PLCXD3: variants seen among roughly 807,000 people sequenced by gnomAD.
PLCXD3 encodes the protein phosphatidylinositol specific phospholipase C X domain containing 3, also known as PI-PLC X domain-containing protein 3.
In PLCXD3, 19 loss-of-function variants were observed where a neutral mutation model predicts 25.5. The ratio of observed to expected loss-of-function variants is 0.75; its 90% confidence interval spans 0.52 to 1.09. The LOEUF is 1.09. PLCXD3 is among the 50% of genes least tolerant of loss of function. The pLI is 0.00. For synonymous variants in PLCXD3, 174 were observed against 137.6 expected, an observed-to-expected ratio of 1.26 and a Z score of -1.85; for missense variants, 411 against 388.1, an observed-to-expected ratio of 1.06 and a Z score of -0.50.
intron 1 of PLCXD3, among the ~76,000 whole-genome samples, chr5:41,390,436 T>C (rs554410149): frequency 6.6e-6 from 1 of 152,270 alleles, no homozygotes; most frequent in South Asian, 2.1e-4. Flanking sequence ...TTGACAAATT[T>C]CTCAAAAAGA....
At chr5:41,407,939 T>G (rs672659) in intron 1 of PLCXD3, among the ~76,000 whole-genome samples, 16,826 of 152,162 alleles carry the variant, frequency 0.11, 1,078 homozygotes, top group Admixed American at 0.17. Flanking sequence ...TTTGATCCAA[T>G]ATTCAAGATG....
At chr5:41,480,559 A>G (rs1748383689) in intron 1 of PLCXD3, among the ~76,000 whole-genome samples, 1 of 151,982 alleles carries the variant, frequency 6.6e-6, no homozygotes, top group African/African-American at 2.4e-5. Context: ...GTGGAAATTC[A>G]GTACTGTTTA....
intron 1 of PLCXD3, among the ~76,000 whole-genome samples, chr5:41,433,761 C>A (rs1223967835): frequency 6.6e-6 from 1 of 152,212 alleles, no homozygotes; most frequent in African/African-American, 2.4e-5. Flanking sequence ...AGCGCCCTCA[C>A]AGGAGGGAGA....
intron 2 of PLCXD3, among the ~76,000 whole-genome samples, chr5:41,362,129 C>T (rs1561245579): frequency 1.3e-5 from 2 of 152,174 alleles, no homozygotes; most frequent in Non-Finnish European, 2.9e-5. Flanking sequence ...TAAAAAGCTA[C>T]TCATCTGACA....
intron 1 of PLCXD3, among the ~76,000 whole-genome samples, chr5:41,435,943 G>C (rs943405029): frequency 5.3e-5 from 8 of 152,134 alleles, no homozygotes; most frequent in Non-Finnish European, 1.2e-4. Flanking sequence ...ACTGAATAGT[G>C]CCTCTGCACC....
intron 1 of PLCXD3, among the ~76,000 whole-genome samples, chr5:41,434,741 G>A (rs1747203007): frequency 1.3e-5 from 2 of 152,294 alleles, no homozygotes; most frequent in Admixed American, 1.3e-4. Context: ...GACAGGCATT[G>A]TGTAGAAAAG....
intron 2 of PLCXD3, among the ~76,000 whole-genome samples, chr5:41,378,127 G>A (rs1745351872): frequency 6.6e-6 from 1 of 152,074 alleles, no homozygotes; most frequent in Non-Finnish European, 1.5e-5. Context: ...GGGGAGTCAA[G>A]TGCTCCTTCA....
intron 2 of PLCXD3, among the ~76,000 whole-genome samples, chr5:41,380,704 C>G (rs1447851092): frequency 6.6e-6 from 1 of 152,076 alleles, no homozygotes; most frequent in Admixed American, 6.6e-5. Context: ...GACCTTGGGT[C>G]CAAGCAAAAC....
At chr5:41,415,222 T>C (rs910219891) in intron 1 of PLCXD3, among the ~76,000 whole-genome samples, 1 of 152,192 alleles carries the variant, frequency 6.6e-6, no homozygotes, top group African/African-American at 2.4e-5. Context: ...AGATTAGAAT[T>C]CCAGCCTCTC....
At position 41,311,940 on chromosome 5, in the gene PLCXD3, T is replaced by C. The variant is rs542358299; in HGVS notation, c.*1677A>G. 1.0e-4 allele frequency: 16 copies of C among 152,682 alleles called. No individual in the cohort carries two copies. In the East Asian group the frequency reaches 2.9e-3, roughly 28 times the overall value. 9.5% of individuals were successfully genotyped at this position (152,682 alleles called of 1,614,324 possible). ...CTCTATGACCCTACTTTGCATGGAC[T>C]GTATTATCCTAGGAAACTATTGGGG... On this transcript the variant is annotated 3_prime_UTR_variant, in exon 3 of 3. Transcript: ENST00000377801.
intron 2 of PLCXD3, among the ~76,000 whole-genome samples, chr5:41,375,530 G>A (rs1745267676): frequency 6.6e-6 from 1 of 152,046 alleles, no homozygotes; most frequent in African/African-American, 2.4e-5. Context: ...AATAAAAAAT[G>A]GTGAAATGAG....
At chr5:41,385,825 C>A (rs1745616524) in intron 1 of PLCXD3, among the ~76,000 whole-genome samples, 1 of 152,010 alleles carries the variant, frequency 6.6e-6, no homozygotes, top group Non-Finnish European at 1.5e-5. Flanking sequence ...TGGCCCTTGA[C>A]CAAAACCAGC....
chr5:41,437,195 T>G (rs1406946387), intron 1 of PLCXD3, among the ~76,000 whole-genome samples: 1 of 152,172 alleles, frequency 6.6e-6, no homozygotes, highest in East Asian at 1.9e-4. Context: ...GAGCTTACAA[T>G]CTAAACACAG....
At position 41,352,476 on chromosome 5, in the gene PLCXD3, A is replaced by G. The variant is rs540909455; in HGVS notation, c.812+29350T>C. On this transcript the variant is annotated intron_variant, in intron 2 of 2. Transcript: ENST00000377801. ...TATCTTATTTATTGTAAAATCAATTAGCAACATCTAACAAATTTTGGCAAA... is the reference window on the plus strand; with the variant it reads ...TATCTTATTTATTGTAAAATCAATTGGCAACATCTAACAAATTTTGGCAAA... Among the ~76,000 whole-genome samples the G allele has an allele frequency of 3.3e-5, 5 of 152,360 alleles. No individual in the cohort carries two copies. The South Asian group carries it at 1.0e-3, about 32-fold the overall frequency.
intron 1 of PLCXD3, among the ~76,000 whole-genome samples, chr5:41,460,817 C>A (rs1379427535): frequency 6.6e-6 from 1 of 151,878 alleles, no homozygotes; most frequent in Non-Finnish European, 1.5e-5. Flanking sequence ...TACGAATGTG[C>A]AAAATTATTG....
At chr5:41,315,470 G>A (rs1743263757) in intron 2 of PLCXD3, among the ~76,000 whole-genome samples, 1 of 151,714 alleles carries the variant, frequency 6.6e-6, no homozygotes, top group Admixed American at 6.6e-5. Context: ...AACTGAATTG[G>A]GAGGCTGAGC....
intron 1 of PLCXD3, among the ~76,000 whole-genome samples, chr5:41,429,679 T>C (rs575714025): frequency 6.6e-6 from 1 of 152,074 alleles, no homozygotes; most frequent in South Asian, 2.1e-4. Flanking sequence ...GTAAATGCTC[T>C]TGAAAGAGAA....
chr5:41,397,087 T>A (rs918856350), intron 1 of PLCXD3, among the ~76,000 whole-genome samples: 3 of 152,200 alleles, frequency 2.0e-5, no homozygotes, highest in African/African-American at 7.2e-5. Flanking sequence ...TGGGGAAGAA[T>A]TCAAGGCTGC....
chr5:41,423,467 G>C (rs1377760422), intron 1 of PLCXD3, among the ~76,000 whole-genome samples: 1 of 151,918 alleles, frequency 6.6e-6, no homozygotes, highest in Non-Finnish European at 1.5e-5. Flanking sequence ...AATAGTTATG[G>C]CCTTCATTTC....
Sources: gnomAD v4.1 joint callset for allele counts (sites outside exome capture counted in the v4.1 genomes callset) on GRCh38, gnomAD v4.1.1 for gene constraint, MANE v1.5 for transcripts, NCBI Gene and HGNC (gene_info 2026-07-23, HGNC 2026-07-21) for gene names.